Variants in ATAD2B observed in about 807,000 individuals in gnomAD.
ATAD2B encodes ATPase family AAA domain containing 2B.
ATAD2B carries 40 observed loss-of-function variants against 167.6 expected under a neutral mutation model. The observed-to-expected ratio is 0.24, with a 90% CI of 0.19 to 0.31. ATAD2B has a LOEUF of 0.31. ATAD2B is among the 10% of genes least tolerant of loss of function. The pLI, the probability that ATAD2B is intolerant of heterozygous loss-of-function variation, is 1.00. For synonymous variants in ATAD2B, 579 were observed against 596.5 expected (o/e 0.97, Z 0.43); for missense variants, 1,242 against 1,757.2 (o/e 0.71, Z 5.24).
intron 13 of ATAD2B, among the ~76,000 whole-genome samples, chr2:23,855,616 A>G (rs971061539): frequency 1.6e-4 from 25 of 152,218 alleles, no homozygotes; most frequent in African/African-American, 6.0e-4. Context: ...AAAAGAAAAC[A>G]TGTCCACACA....
the ATAD2B span, among the ~76,000 whole-genome samples, chr2:23,711,208 T>C: frequency 6.6e-6 from 1 of 152,028 alleles, no homozygotes; most frequent in East Asian, 1.9e-4. Flanking sequence ...GTTGTATTCA[T>C]GGAATTGCAG....
chr2:23,908,713 A>G (rs1476907744), intron 1 of ATAD2B, among the ~76,000 whole-genome samples: 2 of 152,084 alleles, frequency 1.3e-5, no homozygotes, highest in Non-Finnish European at 2.9e-5. Context: ...CATTATTCAC[A>G]ATAGCAAAGA....
At chr2:23,911,773 G>A (rs1413436171) in intron 1 of ATAD2B, among the ~76,000 whole-genome samples, 2 of 151,986 alleles carry the variant, frequency 1.3e-5, no homozygotes, top group Non-Finnish European at 1.5e-5. Flanking sequence ...TCAGGAGTTC[G>A]AGAGCAGCCT....
At chr2:23,827,043 T>A (rs1688360285) in intron 15 of ATAD2B, among the ~76,000 whole-genome samples, 1 of 152,180 alleles carries the variant, frequency 6.6e-6, no homozygotes, top group Admixed American at 6.5e-5. Context: ...GTAATGGATT[T>A]AAAATTACTA....
At chr2:23,834,900 T>C (rs1298195953) in intron 13 of ATAD2B, among the ~76,000 whole-genome samples, 1 of 151,938 alleles carries the variant, frequency 6.6e-6, no homozygotes, top group Non-Finnish European at 1.5e-5. Context: ...AAACGAAAAA[T>C]ATTTTTAAAA....
chr2:23,760,229 G>A (rs1280849854), intron 24 of ATAD2B, among the ~76,000 whole-genome samples: 1 of 152,162 alleles, frequency 6.6e-6, no homozygotes, highest in Non-Finnish European at 1.5e-5. Context: ...CTAATGGTTG[G>A]TATAATTTTG....
intron 19 of ATAD2B, among the ~76,000 whole-genome samples, chr2:23,792,648 C>G (rs558741686): frequency 4.3e-4 from 66 of 151,966 alleles, no homozygotes; most frequent in Admixed American, 1.4e-3. Context: ...TGTTTACCTA[C>G]TATCCTATTT....
chr2:23,882,294 C>T (rs956910321), intron 6 of ATAD2B, among the ~76,000 whole-genome samples: 4 of 151,800 alleles, frequency 2.6e-5, no homozygotes, highest in Admixed American at 1.3e-4. Context: ...CTCTCGGGTT[C>T]AGGCGATTCT....
chr2:23,858,751 G>A (rs185008116), intron 12 of ATAD2B, among the ~76,000 whole-genome samples: 15 of 152,146 alleles, frequency 9.9e-5, no homozygotes, highest in Admixed American at 5.9e-4. Context: ...CCAATGTGCT[G>A]GGATTACAGG....
At chr2:23,700,153 A>G in the ATAD2B span, among the ~76,000 whole-genome samples, 2 of 152,154 alleles carry the variant, frequency 1.3e-5, no homozygotes, top group Non-Finnish European at 2.9e-5. The surrounding 1 kb of genome is among the most constrained non-coding windows in gnomAD (Gnocchi z 4.6). Context: ...TTAATCTTTC[A>G]TTATCCAGTT....
chr2:23,898,906 T>C (rs974512083), intron 1 of ATAD2B, among the ~76,000 whole-genome samples: 1 of 152,166 alleles, frequency 6.6e-6, no homozygotes, highest in Non-Finnish European at 1.5e-5. Flanking sequence ...CCCAGCACTT[T>C]GCAAGGCCGA....
intron 17 of ATAD2B, among the ~76,000 whole-genome samples, chr2:23,817,499 C>A (rs1450794340): frequency 6.6e-6 from 1 of 152,220 alleles, no homozygotes; most frequent in South Asian, 2.1e-4. Context: ...TCCTGTGAAA[C>A]CTTCCCAGAC....
the ATAD2B span, among the ~76,000 whole-genome samples, chr2:23,741,941 A>T: frequency 1.1e-4 from 17 of 152,228 alleles, no homozygotes; most frequent in Admixed American, 4.6e-4. Flanking sequence ...CAGCCAAAAA[A>T]CACATGAAAA....
chr2:23,844,621 T>C (rs1456320561), intron 13 of ATAD2B, among the ~76,000 whole-genome samples: 1 of 151,988 alleles, frequency 6.6e-6, no homozygotes, highest in Non-Finnish European at 1.5e-5. Flanking sequence ...TAATAGCAGA[T>C]TAGACATTTC....
chr2:23,924,267 A>G (rs1412226662), intron 1 of ATAD2B, among the ~76,000 whole-genome samples: 2 of 152,248 alleles, frequency 1.3e-5, no homozygotes, highest in Non-Finnish European at 2.9e-5. Context: ...TGTTACAAAC[A>G]GGAATACATT....
At chr2:23,917,537 G>A (rs1308833558) in intron 1 of ATAD2B, among the ~76,000 whole-genome samples, 1 of 151,470 alleles carries the variant, frequency 6.6e-6, no homozygotes, top group African/African-American at 2.4e-5. Context: ...TAGAGGGAAA[G>A]ATAGTAGCAC....
At chr2:23,698,626 GACA>G in the ATAD2B span, among the ~76,000 whole-genome samples, 41 of 152,252 alleles carry the variant, frequency 2.7e-4, no homozygotes, top group Non-Finnish European at 5.9e-4. Context: ...TATAGATTAA[GACA>G]ACAGCACAAT....
intron 4 of ATAD2B, 35 bp from the exon 5 acceptor site, chr2:23,885,864 T>G: frequency 7.8e-7 from 1 of 1,280,176 alleles, no homozygotes. Flanking sequence ...ATTTAGACAA[T>G]GGTGGCACCA....
chr2:23,788,540 T>G lies in ATAD2B; in HGVS notation c.2748A>C (p.Ser916=). ...FFQELILNQA[S]MAPPRRKHAA... is the part of the protein sequence containing the mutation. ...CATGTTTCCTTCGTGGTGGAGCCATTGATGCCTGATTGAGAATCAATTCTT... is the reference window on the plus strand; with the variant it reads ...CATGTTTCCTTCGTGGTGGAGCCATGGATGCCTGATTGAGAATCAATTCTT... Residue 916 remains serine, a synonymous_variant, in exon 20 of 28, where the codon TCA becomes TCC. Transcript: ENST00000238789. 6.2e-7 allele frequency: 1 copy of G among 1,613,360 alleles called. No individual in the cohort carries two copies. Among genetic ancestry groups the G allele is most frequent in the Non-Finnish European group, 8.5e-7 (1 of 1,179,394 alleles).
Sources: gnomAD v4.1 joint callset for allele counts (sites outside exome capture counted in the v4.1 genomes callset) on GRCh38, gnomAD v4.1.1 for gene constraint, Gnocchi (gnomAD v3.1) non-coding constraint, MANE v1.5 for transcripts, NCBI Gene and HGNC (gene_info 2026-07-23, HGNC 2026-07-21) for gene names.